Variants in ANKRD44 observed in about 807,000 individuals in gnomAD.
ANKRD44 encodes ankyrin repeat domain 44.
ANKRD44 carries 35 observed loss-of-function variants against 116.0 expected under a neutral mutation model. The observed-to-expected ratio is 0.30, with a 90% CI of 0.23 to 0.40. The LOEUF is 0.40. Among genes scored for constraint, ANKRD44 ranks in the 10% least tolerant of loss-of-function variants. The probability of loss-of-function intolerance (pLI) is 1.00; values close to 1 mark genes in which losing one functional copy is unlikely to be tolerated. For missense variants in ANKRD44, 1,014 were observed against 1,242.6 expected (o/e 0.82, Z 2.77); for synonymous variants, 435 against 461.8 (o/e 0.94, Z 0.74).
rs1364108437 is a variant in ANKRD44, at chr2:196,988,574, T to C, written c.*1017A>G. The C allele has an allele frequency of 2.0e-6, 2 of 983,936 alleles. No homozygotes were observed. Among genetic ancestry groups the C allele is most frequent in the African/African-American group, 1.7e-5 (1 of 57,228 alleles). The allele number at this position is 983,936 out of a possible 1,614,324, so 61.0% of individuals were successfully genotyped here. On this transcript the variant is annotated 3_prime_UTR_variant, in exon 28 of 28. Transcript: ENST00000282272. ...TATTAAGAGTAAGATTAAAGTTTTA[T>C]AGCTAGATGAAAAATATAATACAGT...
chr2:197,001,721 C>A, intron 22 of ANKRD44, 32 bp downstream of exon 22: 1 of 1,500,138 alleles, frequency 6.7e-7, no homozygotes, highest in Non-Finnish European at 9.2e-7. Context: ...ATCATTAAAG[C>A]AACATCATTA....
chr2:197,275,070 T>C (rs549885319), intron 1 of ANKRD44, among the ~76,000 whole-genome samples: 71 of 151,474 alleles, frequency 4.7e-4, no homozygotes, highest in Non-Finnish European at 8.1e-4. Flanking sequence ...GATTGTACCA[T>C]GACACTCCAG....
At chr2:197,068,288 C>T (rs2077479207) in intron 16 of ANKRD44, among the ~76,000 whole-genome samples, 1 of 134,956 alleles carries the variant, frequency 7.4e-6, no homozygotes, top group Non-Finnish European at 1.6e-5. Context: ...GTGCAGCGCA[C>T]CAGCATGGCA....
At chr2:197,032,332 T>C (rs1285243252) in intron 16 of ANKRD44, among the ~76,000 whole-genome samples, 2 of 151,766 alleles carry the variant, frequency 1.3e-5, no homozygotes, top group Non-Finnish European at 2.9e-5. Context: ...AATTAATAAG[T>C]CAGTGAGAAC....
intron 3 of ANKRD44, among the ~76,000 whole-genome samples, chr2:197,145,363 T>C (rs920380822): frequency 6.6e-6 from 1 of 151,576 alleles, no homozygotes; most frequent in Non-Finnish European, 1.5e-5. Flanking sequence ...TGGGGACCAA[T>C]AGATGTCATA....
In ANKRD44 at chr2:197,254,598, T is replaced by TACACACACACAC. The variant is rs3057783; in HGVS notation, c.27+55968_27+55979dup. Among the ~76,000 whole-genome samples the TACACACACACAC allele has an allele frequency of 7.4e-5, 11 of 148,268 alleles. No individual in the cohort carries two copies. In the South Asian group the frequency reaches 1.1e-3, roughly 15 times the overall value. ...ATGTGTATAGACACACATACATGCA[T>TACACACACACAC]ACACACACACACACACACACACACA... is the stretch of plus-strand genomic sequence containing the variant. On this transcript the variant is annotated intron_variant, in intron 1 of 27. Coordinates refer to ENST00000282272, the MANE Select transcript of ANKRD44 (RefSeq NM_001195144.2).
chr2:197,148,746 T>C (rs1348666832), intron 2 of ANKRD44, among the ~76,000 whole-genome samples: 1 of 152,172 alleles, frequency 6.6e-6, no homozygotes, highest in Non-Finnish European at 1.5e-5. Flanking sequence ...TACCATTAAG[T>C]AGACAAAAAG....
chr2:197,189,282 T>C (rs1181852535), intron 1 of ANKRD44, among the ~76,000 whole-genome samples: 2 of 152,244 alleles, frequency 1.3e-5, no homozygotes, highest in East Asian at 1.9e-4. Context: ...CAAATGAACA[T>C]ATATCTCTTT....
At chr2:197,213,113 T>G (rs532501886) in intron 1 of ANKRD44, among the ~76,000 whole-genome samples, 32 of 152,302 alleles carry the variant, frequency 2.1e-4, no homozygotes, top group Admixed American at 1.9e-3. Context: ...AAAGAGATTT[T>G]CAAGAGTAAT....
At chr2:197,021,871 G>A (rs1197120061) in intron 17 of ANKRD44, among the ~76,000 whole-genome samples, 4 of 152,182 alleles carry the variant, frequency 2.6e-5, no homozygotes, top group African/African-American at 7.2e-5. Flanking sequence ...GACAATGAGG[G>A]GAAAGAATTG....
intron 8 of ANKRD44, among the ~76,000 whole-genome samples, chr2:197,118,320 G>A (rs2078761138): frequency 6.6e-6 from 1 of 151,980 alleles, no homozygotes; most frequent in Admixed American, 6.6e-5. Context: ...GGGCGTGGTG[G>A]CTCACACCTG....
chr2:197,204,425 C>A (rs1298258539), intron 1 of ANKRD44, among the ~76,000 whole-genome samples: 1 of 151,774 alleles, frequency 6.6e-6, no homozygotes, highest in African/African-American at 2.4e-5. Context: ...AAGATGGGAC[C>A]ACTGACACTT....
At chr2:197,071,754 G>A (rs2077563475) in intron 16 of ANKRD44, among the ~76,000 whole-genome samples, 1 of 152,152 alleles carries the variant, frequency 6.6e-6, no homozygotes, top group African/African-American at 2.4e-5. Flanking sequence ...ACAATTTTCA[G>A]TCTCATTGTT....
intron 9 of ANKRD44, among the ~76,000 whole-genome samples, chr2:197,105,001 T>C (rs985838790): frequency 3.3e-5 from 5 of 152,168 alleles, no homozygotes; most frequent in African/African-American, 4.8e-5. Context: ...GAAAAGGGAA[T>C]CCCTTTTTAA....
intron 8 of ANKRD44, among the ~76,000 whole-genome samples, chr2:197,111,172 A>G (rs1466200792): frequency 1.3e-5 from 2 of 152,248 alleles, no homozygotes; most frequent in Non-Finnish European, 2.9e-5. Context: ...AAAAGCTTAG[A>G]GAAACAGTTA....
intron 16 of ANKRD44, among the ~76,000 whole-genome samples, chr2:197,038,512 T>C (rs1383428906): frequency 6.6e-6 from 1 of 152,216 alleles, no homozygotes; most frequent in African/African-American, 2.4e-5. Context: ...AAATCACTTA[T>C]CATGAGGTGA....
chr2:197,053,663 A>G (rs1222604100), intron 16 of ANKRD44, among the ~76,000 whole-genome samples: 1 of 152,152 alleles, frequency 6.6e-6, no homozygotes, highest in African/African-American at 2.4e-5. Context: ...TTGTATTTTT[A>G]GTAGAAACAG....
At chr2:197,240,213 A>G (rs537830014) in intron 1 of ANKRD44, among the ~76,000 whole-genome samples, 489 of 152,000 alleles carry the variant, frequency 3.2e-3, no homozygotes, top group Middle Eastern at 6.8e-3. Flanking sequence ...TGTCTCTACT[A>G]AAAATACGAA....
chr2:196,992,098 C>T (rs903270422), intron 27 of ANKRD44, among the ~76,000 whole-genome samples: 2 of 152,160 alleles, frequency 1.3e-5, no homozygotes, highest in African/African-American at 4.8e-5. Context: ...TGATTATTTC[C>T]TTATCCAACC....
Sources: gnomAD v4.1 joint callset for allele counts (sites outside exome capture counted in the v4.1 genomes callset) on GRCh38, gnomAD v4.1.1 for gene constraint, MANE v1.5 for transcripts, NCBI Gene and HGNC (gene_info 2026-07-23, HGNC 2026-07-21) for gene names.